Variants in RO60 observed in about 807,000 individuals in gnomAD.
RO60 encodes Ro60, Y RNA binding protein.
A neutral mutation model predicts 55.3 loss-of-function variants in RO60; 20 were observed. That is an observed-to-expected ratio of 0.36 (90% CI 0.25 to 0.53). RO60 has a LOEUF of 0.53. Ranked by LOEUF, RO60 falls within the 20% of genes least tolerant of loss-of-function variation. RO60 has a pLI of 0.92. For synonymous variants in RO60, 213 were observed against 213.6 expected, an observed-to-expected ratio of 1.00 and a Z score of 0.02; for missense variants, 558 against 646.6, an observed-to-expected ratio of 0.86 and a Z score of 1.49.
At chr1:193,072,094 C>G (rs1397263428) in intron 2 of RO60, among the ~76,000 whole-genome samples, 2 of 152,234 alleles carry the variant, frequency 1.3e-5, no homozygotes, top group East Asian at 3.9e-4. Flanking sequence ...ACCTCCACCT[C>G]CCAGATTCAA....
intron 2 of RO60, among the ~76,000 whole-genome samples, chr1:193,074,929 TCC>T (rs1673800014): frequency 6.6e-6 from 1 of 152,192 alleles, no homozygotes; most frequent in Non-Finnish European, 1.5e-5. Flanking sequence ...AAGGAAGGGA[TCC>T]AGTTTCAGCT....
intron 5 of RO60, 34 bp downstream of exon 5, chr1:193,077,084 C>T: frequency 6.4e-7 from 1 of 1,567,092 alleles, no homozygotes; most frequent in Non-Finnish European, 8.7e-7. Flanking sequence ...AAACAAATGA[C>T]TGAAGACTTA....
In RO60 at chr1:193,090,998, GAC is replaced by G. The variant is rs1674835728; in HGVS notation, c.*6268_*6269del. The G allele has an allele frequency of 6.6e-6, 1 of 152,146 alleles. No homozygotes were observed. The highest frequency in any genetic ancestry group is 1.5e-5 in the Non-Finnish European group (1 of 68,020). 9.4% of individuals were successfully genotyped at this position (152,146 alleles called of 1,614,324 possible). A position where few individuals can be genotyped will look rare whatever the true frequency, so the allele number is the denominator to read the frequency against. ...ATACAGTGATGTGTTATACATACAT[GAC>G]TGTTAACATCAGTAATATTTTATGA... On this transcript the variant is annotated 3_prime_UTR_variant, in exon 9 of 9. Transcript: ENST00000400968.
intron 2 of RO60, among the ~76,000 whole-genome samples, chr1:193,070,967 A>G (rs762534604): frequency 5.9e-5 from 9 of 152,268 alleles, no homozygotes; most frequent in Admixed American, 1.3e-4. Context: ...ATAACTGCAT[A>G]TCAGCAGTCC....
chr1:193,084,212 C>T (rs1674507795), intron 8 of RO60, among the ~76,000 whole-genome samples: 1 of 152,138 alleles, frequency 6.6e-6, no homozygotes. Context: ...GAGATATGTC[C>T]TTATATATAC....
In RO60 at chr1:193,075,975, C is replaced by T. The variant is rs1352263507; in HGVS notation, c.736C>T (p.His246Tyr). 1 of 1,612,960 alleles carries T rather than the reference C, an allele frequency of 6.2e-7. No homozygotes were observed. Among genetic ancestry groups the T allele is most frequent in the South Asian group, 1.1e-5 (1 of 90,964 alleles). The change falls in exon 3 of 9, where the codon CAT becomes TAT. Residue 246 changes from histidine (H) to tyrosine (Y), a missense_variant. By Grantham distance (83) the His-to-Tyr change is moderately conservative. Coordinates refer to ENST00000400968, the MANE Select transcript of RO60 (RefSeq NM_001173524.2). ...KRTRDELEVI[H>Y]LIEEHRLVRE... ...CACAAGAGATGAGCTAGAAGTCATT[C>T]ATCTAATAGAAGAACATAGATTAGT...
At chr1:193,061,036 C>A (rs994156186) in intron 1 of RO60, among the ~76,000 whole-genome samples, 13 of 152,108 alleles carry the variant, frequency 8.5e-5, no homozygotes, top group African/African-American at 2.2e-4. Context: ...AAAATTTAGC[C>A]TTTGGCACAA....
chr1:193,070,234 A>G (rs1207842338), intron 2 of RO60, among the ~76,000 whole-genome samples: 1 of 151,794 alleles, frequency 6.6e-6, no homozygotes, highest in Non-Finnish European at 1.5e-5. Flanking sequence ...GCTCTAGCCC[A>G]TTCCTTTTTT....
At chr1:193,076,374 C>T in intron 3 of RO60, 127 bp from the exon 4 acceptor site, 2 of 976,576 alleles carry the variant, frequency 2.0e-6, no homozygotes, top group Admixed American at 3.1e-5. Context: ...ATTTTTCATT[C>T]TGAAAGTACT....
chr1:193,076,704 AT>A lies in RO60; in HGVS notation c.948+61del, dbSNP rs1391076159. ...TACTAACTGAGAAAGTGGCTCCTAA[AT>A]TTTAGAAATGCCGTCAGTGCATTTT... On this transcript the variant is annotated intron_variant, in intron 4 of 8. Transcript: ENST00000400968. 4 of 1,499,962 alleles carry A rather than the reference AT, an allele frequency of 2.7e-6. No homozygotes were observed. In the African/African-American group the frequency reaches 4.2e-5, roughly 16 times the overall value. 92.9% of individuals were successfully genotyped at this position (1,499,962 alleles called of 1,614,324 possible).
Position 193,059,692 on chromosome 1 carries a change from G to T in RO60, c.-106G>T. On this transcript the variant is annotated 5_prime_UTR_variant, in exon 1 of 9. Coordinates refer to ENST00000400968, the MANE Select transcript of RO60 (RefSeq NM_001173524.2). The surrounding 1 kb of genome is among the most constrained non-coding windows in gnomAD (Gnocchi z 4.9). ...TGCTGTGGCTGTCGCTGCCCGTCAG[G>T]CTGCCTTCTTTTGTCGTTTCCCAGC... 1 of 1,360,240 alleles carries T rather than the reference G, an allele frequency of 7.4e-7. No individual in the cohort carries two copies. The allele number at this position is 1,360,240 out of a possible 1,614,324, so 84.3% of individuals were successfully genotyped here.
chr1:193,082,248 T>C lies in RO60; in HGVS notation c.1266T>C (p.Cys422=), dbSNP rs750380067. ...CTTTTTCCGATGAAATGGTACCATG[T>C]CCAGTGACTACAGATATGACCTTAC... ...VVAFSDEMVP[C]PVTTDMTLQQ... The change falls in exon 7 of 9, where the codon TGT becomes TGC. Residue 422 remains cysteine (C), a synonymous_variant. Transcript: ENST00000400968. 1.2e-6 allele frequency: 2 copies of C among 1,613,514 alleles called. No homozygotes were observed. The highest frequency in any genetic ancestry group is 1.7e-6 in the Non-Finnish European group (2 of 1,179,712).
chr1:193,082,483 C>A, intron 7 of RO60, 79 bp from the exon 8 acceptor site: 1 of 1,519,576 alleles, frequency 6.6e-7, no homozygotes, highest in Non-Finnish European at 9.1e-7. Flanking sequence ...TATATTGGTG[C>A]TAAACAAAAT....
At chr1:193,061,983 C>CAA (rs199670965) in intron 1 of RO60, among the ~76,000 whole-genome samples, 7 of 76,212 alleles carry the variant, frequency 9.2e-5, no homozygotes, top group Non-Finnish European at 1.1e-4. Flanking sequence ...GAGTCTGTCT[C>CAA]AAAAAAAAAA....
At chr1:193,067,117 G>A (rs928806688) in intron 1 of RO60, among the ~76,000 whole-genome samples, 2 of 150,974 alleles carry the variant, frequency 1.3e-5, no homozygotes, top group African/African-American at 4.9e-5. Flanking sequence ...AGTTTGCATT[G>A]TGATTCTATC....
At chr1:193,066,641 C>G (rs1422285103) in intron 1 of RO60, among the ~76,000 whole-genome samples, 1 of 152,184 alleles carries the variant, frequency 6.6e-6, no homozygotes, top group Non-Finnish European at 1.5e-5. Context: ...CTTTAAAAGG[C>G]CTTTCTCTCA....
chr1:193,079,925 G>A (rs367823383), intron 5 of RO60, among the ~76,000 whole-genome samples: 40 of 149,744 alleles, frequency 2.7e-4, no homozygotes, highest in Non-Finnish European at 2.2e-4. Context: ...TCAGGAGTTC[G>A]AGACCAGCCT....
chr1:193,076,168 AT>A (rs1202721131), intron 3 of RO60, 128 bp downstream of exon 3: 2 of 599,210 alleles, frequency 3.3e-6, no homozygotes, highest in African/African-American at 3.9e-5. Flanking sequence ...ATATCTTGAA[AT>A]TGATGTCTGT....
chr1:193,069,327 T>C lies in RO60; in HGVS notation c.273T>C (p.Pro91=). 1 of 1,614,242 alleles carries C rather than the reference T, an allele frequency of 6.2e-7. No individual in the cohort carries two copies. The highest frequency in any genetic ancestry group is 8.5e-7 in the Non-Finnish European group (1 of 1,180,048). The change falls in exon 2 of 9, where the codon CCT becomes CCC. Residue 91 remains proline (P), a synonymous_variant. Transcript: ENST00000400968. ...AAGGCAGAACCACAAAGCAAGAGCC[T>C]ATGCTCTTTGCACTTGCCATTTGTT... ...SQEGRTTKQE[P]MLFALAICSQ...
Sources: gnomAD v4.1 joint callset for allele counts (sites outside exome capture counted in the v4.1 genomes callset) on GRCh38, gnomAD v4.1.1 for gene constraint, Gnocchi (gnomAD v3.1) non-coding constraint, MANE v1.5 for transcripts, NCBI Gene and HGNC (gene_info 2026-07-23, HGNC 2026-07-21) for gene names.